Variants in AGBL1 observed in about 807,000 individuals in gnomAD.
The protein encoded by AGBL1 is AGBL carboxypeptidase 1, also known as cytosolic carboxypeptidase 4.
Under a neutral mutation model 118.9 loss-of-function variants are expected in AGBL1, and 130 were observed. That is an observed-to-expected ratio of 1.09 (90% CI 0.95 to 1.26). The LOEUF (loss-of-function observed/expected upper bound fraction) is 1.26. Among genes scored for constraint, AGBL1 ranks in the 50% most tolerant of loss-of-function variants. The pLI, the probability that AGBL1 is intolerant of heterozygous loss-of-function variation, is 0.00. For missense variants in AGBL1, 1,584 were observed against 1,298.1 expected (o/e 1.22, Z -3.38); for synonymous variants, 555 against 478.9 (o/e 1.16, Z -2.08).
chr15:86,565,852 C>T lies in AGBL1; in HGVS notation c.2994+11315C>T, dbSNP rs191039656. ...ATGGTGGGTGCCCCTCCCCCAGCCT[C>T]GCTGCTGCCTTGCAGTTCGATCTCA... On this transcript the variant is annotated intron_variant, in intron 21 of 22. Transcript: ENST00000614907. Among the ~76,000 whole-genome samples, 45 of 152,338 alleles carry T rather than the reference C, an allele frequency of 3.0e-4. No homozygotes were observed. The East Asian group carries it at 6.7e-3, about 23-fold the overall frequency.
At chr15:86,450,134 AATCGATTGTTGC>A (rs1472396295) in intron 18 of AGBL1, among the ~76,000 whole-genome samples, 1 of 152,294 alleles carries the variant, frequency 6.6e-6, no homozygotes, top group Admixed American at 6.5e-5. Context: ...TATCTAGATA[AATCGATTGTTGC>A]ATAAAGCCAT....
chr15:86,368,411 C>G (rs1246265883), intron 17 of AGBL1, among the ~76,000 whole-genome samples: 1 of 152,106 alleles, frequency 6.6e-6, no homozygotes, highest in African/African-American at 2.4e-5. Context: ...CAAATTCACT[C>G]TATATGACAT....
intron 23 of AGBL1, among the ~76,000 whole-genome samples, chr15:86,949,650 A>C (rs1459066543): frequency 6.6e-6 from 1 of 152,134 alleles, no homozygotes; most frequent in African/African-American, 2.4e-5. Context: ...AAAACTGCTA[A>C]TGTTTTATGT....
chr15:86,201,719 C>T (rs1294527996), intron 5 of AGBL1, among the ~76,000 whole-genome samples: 1 of 152,162 alleles, frequency 6.6e-6, no homozygotes, highest in African/African-American at 2.4e-5. Context: ...GACTAATGTG[C>T]CCAATTCTCA....
At chr15:86,818,589 C>T (rs1462477550) in intron 22 of AGBL1, among the ~76,000 whole-genome samples, 3 of 152,046 alleles carry the variant, frequency 2.0e-5, no homozygotes, top group Non-Finnish European at 2.9e-5. Context: ...GGGACTGCTG[C>T]TCTAGAGAAC....
At chr15:86,651,337 A>G (rs2085365547) in intron 21 of AGBL1, among the ~76,000 whole-genome samples, 1 of 152,198 alleles carries the variant, frequency 6.6e-6, no homozygotes, top group African/African-American at 2.4e-5. Flanking sequence ...ATTTTCTAGT[A>G]CTTCTAAGGC....
chr15:86,901,328 A>G (rs1377781872), intron 22 of AGBL1, among the ~76,000 whole-genome samples: 1 of 151,968 alleles, frequency 6.6e-6, no homozygotes, highest in Non-Finnish European at 1.5e-5. Context: ...TATTTTCATA[A>G]TGTATTTTCT....
At chr15:86,950,794 CA>C (rs2080872903) in intron 23 of AGBL1, among the ~76,000 whole-genome samples, 1 of 151,834 alleles carries the variant, frequency 6.6e-6, no homozygotes, top group African/African-American at 2.4e-5. Flanking sequence ...AAGAGGATGT[CA>C]AAATGGTTAA....
rs1231752876 is a variant in AGBL1, at chr15:86,878,260, A to G, written c.3159-28827A>G. ...TTCTGCAAAGAGTAGTAAATATTTT[A>G]ATCTTTGCAAGTCATAGGGTCTGTC... is the stretch of plus-strand genomic sequence containing the variant. On this transcript the variant is annotated intron_variant, in intron 22 of 22. Transcript: ENST00000614907. 3.3e-5 allele frequency among the ~76,000 whole-genome samples: 5 copies of G among 152,244 alleles called. No individual in the cohort carries two copies. In the East Asian group the frequency reaches 9.7e-4, roughly 29 times the overall value.
At chr15:86,749,387 T>C (rs896873472) in intron 22 of AGBL1, among the ~76,000 whole-genome samples, 17 of 152,146 alleles carry the variant, frequency 1.1e-4, no homozygotes, top group African/African-American at 4.1e-4. Flanking sequence ...CTGAAGTTGC[T>C]TATCAGCTTA....
At chr15:86,833,329 C>T (rs768593307) in intron 22 of AGBL1, among the ~76,000 whole-genome samples, 12 of 152,092 alleles carry the variant, frequency 7.9e-5, no homozygotes, top group Non-Finnish European at 1.5e-4. Flanking sequence ...TGAATTGTAC[C>T]TCCCAGAATT....
chr15:86,797,413 C>T (rs897288962), intron 22 of AGBL1, among the ~76,000 whole-genome samples: 3 of 152,154 alleles, frequency 2.0e-5, no homozygotes, highest in African/African-American at 7.2e-5. Context: ...GGAGCAGAAC[C>T]CCCTCTTATT....
At chr15:86,226,589 C>G (rs962608948) in intron 6 of AGBL1, among the ~76,000 whole-genome samples, 1 of 152,176 alleles carries the variant, frequency 6.6e-6, no homozygotes, top group Non-Finnish European at 1.5e-5. Context: ...GTTGTTTACT[C>G]TATTGATCAG....
At chr15:86,433,266 C>CTTTTTTTT (rs59417397) in intron 18 of AGBL1, among the ~76,000 whole-genome samples, 1,688 of 74,796 alleles carry the variant, frequency 0.023, 393 homozygotes, top group East Asian at 0.05. Context: ...CCTCCTTCTT[C>CTTTTTTTT]TTTTTTTTTT....
intron 1 of AGBL1, chr15:86,116,738 C>A (rs1897784092): frequency 6.6e-6 from 1 of 152,174 alleles, no homozygotes; most frequent in African/African-American, 2.4e-5. Context: ...CAGTCAGCTT[C>A]CCTGGTTCTT....
intron 22 of AGBL1, among the ~76,000 whole-genome samples, chr15:86,697,125 G>T (rs2086276992): frequency 6.6e-6 from 1 of 151,824 alleles, no homozygotes; most frequent in African/African-American, 2.4e-5. Context: ...TCAACTTCTT[G>T]TATTTGGATG....
chr15:86,230,351 A>G (rs1417571155), intron 6 of AGBL1, among the ~76,000 whole-genome samples: 6 of 152,340 alleles, frequency 3.9e-5, no homozygotes, highest in South Asian at 2.1e-4. Context: ...TATGCACCCA[A>G]ATCAGGTCTT....
chr15:86,298,257 A>ATATATATATATATATATATGGTAAC (rs2079681396), intron 17 of AGBL1, among the ~76,000 whole-genome samples: 4 of 94,790 alleles, frequency 4.2e-5, no homozygotes, highest in Non-Finnish European at 8.3e-5. Context: ...ATATATATAT[A>ATATATATATATATATATATGGTAAC]TATATATATA....
intron 13 of AGBL1, among the ~76,000 whole-genome samples, chr15:86,269,502 A>G (rs2079123143): frequency 6.6e-6 from 1 of 152,234 alleles, no homozygotes. Context: ...ATATTTCAAA[A>G]TAGTAAAAAG....
Sources: allele counts gnomAD v4.1 joint callset (sites outside exome capture counted in the v4.1 genomes callset), GRCh38; gene constraint gnomAD v4.1.1; transcripts MANE v1.5; gene names NCBI Gene and HGNC (gene_info 2026-07-23, HGNC 2026-07-21).